The following STIM1 variants were observed in gnomAD, a reference collection of about 807,000 sequenced individuals.
STIM1 encodes stromal interaction molecule 1.
In STIM1, 25 loss-of-function variants were observed where a neutral mutation model predicts 74.7. That is an observed-to-expected ratio of 0.33 (90% CI 0.24 to 0.47). The LOEUF (loss-of-function observed/expected upper bound fraction) is 0.47, where lower values mean the gene tolerates loss of function less well. Among genes scored for constraint, STIM1 ranks in the 20% least tolerant of loss-of-function variants. The pLI, the probability that STIM1 is intolerant of heterozygous loss-of-function variation, is 1.00. For synonymous variants in STIM1, 328 were observed against 348.8 expected, an observed-to-expected ratio of 0.94 and a Z score of 0.66; for missense variants, 728 against 920.8, an observed-to-expected ratio of 0.79 and a Z score of 2.71.
chr11:3,951,929 G>A (rs180740715), intron 1 of STIM1, among the ~76,000 whole-genome samples: 2 of 152,132 alleles, frequency 1.3e-5, no homozygotes, highest in Non-Finnish European at 2.9e-5. Flanking sequence ...TTCTGGGGCC[G>A]TCTTTCTTCT....
At chr11:3,982,224 G>A (rs190546056) in intron 2 of STIM1, among the ~76,000 whole-genome samples, 6 of 151,370 alleles carry the variant, frequency 4.0e-5, no homozygotes, top group Admixed American at 1.3e-4. Context: ...ACGGGGTTTC[G>A]CCATGTTACC....
intron 1 of STIM1, among the ~76,000 whole-genome samples, chr11:3,858,019 G>A (rs960883992): frequency 6.6e-6 from 1 of 152,170 alleles, no homozygotes; most frequent in Admixed American, 6.5e-5. Flanking sequence ...AGACTAGTGG[G>A]CAAATGTAGA....
chr11:3,901,099 G>A (rs920996714), intron 1 of STIM1, among the ~76,000 whole-genome samples: 1 of 152,192 alleles, frequency 6.6e-6, no homozygotes, highest in Non-Finnish European at 1.5e-5. Flanking sequence ...GTTGAGGCAG[G>A]AGAATTGCTT....
intron 1 of STIM1, among the ~76,000 whole-genome samples, chr11:3,887,694 C>T (rs1002658754): frequency 6.6e-6 from 1 of 151,994 alleles, no homozygotes; most frequent in Admixed American, 6.5e-5. Flanking sequence ...TGTGGCCAGG[C>T]GCAATGGCTC....
intron 3 of STIM1, among the ~76,000 whole-genome samples, chr11:4,052,977 A>G (rs1283479557): frequency 1.3e-5 from 2 of 152,246 alleles, no homozygotes; most frequent in Admixed American, 1.3e-4. Context: ...GACACATGGA[A>G]AAATGCTCAT....
At chr11:3,953,272 G>T (rs1249302494) in intron 1 of STIM1, among the ~76,000 whole-genome samples, 3 of 152,192 alleles carry the variant, frequency 2.0e-5, no homozygotes, top group African/African-American at 4.8e-5. Flanking sequence ...TGGCTAGTTT[G>T]TTTCAGGAGG....
In STIM1 at chr11:4,055,404, T is replaced by A. The variant is rs955559046; in HGVS notation, c.386-122T>A. On this transcript the variant is annotated intron_variant, in intron 3 of 12. Transcript: ENST00000526596. ...CAGTGTATACTCCTTTCATACTTAGTATTTTATGGGACAGATAGATATTAA... is the reference window on the plus strand; with the variant it reads ...CAGTGTATACTCCTTTCATACTTAGAATTTTATGGGACAGATAGATATTAA... 17 of 761,598 alleles carry A rather than the reference T, an allele frequency of 2.2e-5. No homozygotes were observed. The African/African-American group carries it at 2.6e-4, about 12-fold the overall frequency. The allele number at this position is 761,598 out of a possible 1,614,324, so 47.2% of individuals were successfully genotyped here. A position where few individuals can be genotyped will look rare whatever the true frequency, so the allele number is the denominator to read the frequency against.
chr11:3,978,732 C>A (rs2093473917), intron 2 of STIM1, among the ~76,000 whole-genome samples: 1 of 152,022 alleles, frequency 6.6e-6, no homozygotes, highest in South Asian at 2.1e-4. Context: ...CACTGTACTC[C>A]AGCCTGAGTG....
At chr11:4,089,957 T>A (rs2094514133) in intron 12 of STIM1, among the ~76,000 whole-genome samples, 2 of 152,154 alleles carry the variant, frequency 1.3e-5, no homozygotes, top group Non-Finnish European at 2.9e-5. Flanking sequence ...TATCTACCTT[T>A]TTGTCTGTAG....
At chr11:4,023,371 G>A (rs139620534) in intron 2 of STIM1, among the ~76,000 whole-genome samples, 240 of 151,268 alleles carry the variant, frequency 1.6e-3, no homozygotes, top group African/African-American at 5.4e-3. Flanking sequence ...AACCATCACA[G>A]TAAATTAACC....
chr11:3,902,554 A>G (rs929475571), intron 1 of STIM1, among the ~76,000 whole-genome samples: 1 of 152,122 alleles, frequency 6.6e-6, no homozygotes, highest in African/African-American at 2.4e-5. Context: ...TAGGCTTTGC[A>G]CTCCTGTGAG....
intron 1 of STIM1, among the ~76,000 whole-genome samples, chr11:3,935,780 GCTAA>G (rs1172646848): frequency 6.6e-6 from 1 of 152,168 alleles, no homozygotes; most frequent in African/African-American, 2.4e-5. Context: ...CCACACCTGG[GCTAA>G]CTGAGGATGC....
chr11:3,897,546 T>C (rs566534692), intron 1 of STIM1, among the ~76,000 whole-genome samples: 1 of 152,254 alleles, frequency 6.6e-6, no homozygotes, highest in Admixed American at 6.5e-5. Context: ...AGTTTTAGGG[T>C]ACATGTGTAC....
intron 1 of STIM1, among the ~76,000 whole-genome samples, chr11:3,862,902 A>AT (rs1455526182): frequency 6.6e-6 from 1 of 151,738 alleles, no homozygotes; most frequent in African/African-American, 2.4e-5. Flanking sequence ...ACACACACAT[A>AT]TTTTTTTGAG....
At chr11:3,981,588 C>T (rs1467306121) in intron 2 of STIM1, among the ~76,000 whole-genome samples, 1 of 152,108 alleles carries the variant, frequency 6.6e-6, no homozygotes, top group East Asian at 1.9e-4. Context: ...GTACTGGGGA[C>T]AGAGTGCTTT....
chr11:3,979,423 C>T (rs1565135183), intron 2 of STIM1, among the ~76,000 whole-genome samples: 1 of 152,206 alleles, frequency 6.6e-6, no homozygotes, highest in South Asian at 2.1e-4. Context: ...CCGATTTTAG[C>T]CTTTCTTTTC....
At chr11:3,904,276 T>C (rs1346876916) in intron 1 of STIM1, among the ~76,000 whole-genome samples, 1 of 150,236 alleles carries the variant, frequency 6.7e-6, no homozygotes, top group Non-Finnish European at 1.5e-5. Context: ...ATATCAAAGA[T>C]GCCACCCTGT....
At chr11:3,890,161 G>C (rs991546279) in intron 1 of STIM1, among the ~76,000 whole-genome samples, 8 of 152,040 alleles carry the variant, frequency 5.3e-5, no homozygotes, top group Non-Finnish European at 1.0e-4. Context: ...ATCTGACCTA[G>C]GCCATCACGC....
chr11:4,078,842 A>C (rs1220557558), intron 7 of STIM1, among the ~76,000 whole-genome samples: 1 of 149,168 alleles, frequency 6.7e-6, no homozygotes, highest in Non-Finnish European at 1.5e-5. Flanking sequence ...AAGTGCTGGG[A>C]TTACAGGCGT....
Sources: gnomAD v4.1 joint callset for allele counts (sites outside exome capture counted in the v4.1 genomes callset) on GRCh38, gnomAD v4.1.1 for gene constraint, MANE v1.5 for transcripts, NCBI Gene and HGNC (gene_info 2026-07-23, HGNC 2026-07-21) for gene names.